Variants in KMT2A observed in about 807,000 individuals in gnomAD.
KMT2A encodes histone-lysine N-methyltransferase 2A.
In KMT2A, 16 loss-of-function variants were observed where a neutral mutation model predicts 345.3. That is an observed-to-expected ratio of 0.05 (90% confidence interval 0.03 to 0.07). The LOEUF is 0.07. Ranked by LOEUF, KMT2A falls within the 10% of genes least tolerant of loss-of-function variation. The probability of loss-of-function intolerance (pLI) is 1.00; values close to 1 mark genes in which losing one functional copy is unlikely to be tolerated. For synonymous variants in KMT2A, 1,599 were observed against 1,778.6 expected (o/e 0.90, Z 2.54); for missense variants, 3,272 against 4,841.6 (o/e 0.68, Z 9.62).
At chr11:118,453,019 TATCTC>T (rs1386304692) in intron 1 of KMT2A, among the ~76,000 whole-genome samples, 1 of 152,124 alleles carries the variant, frequency 6.6e-6, no homozygotes, top group Non-Finnish European at 1.5e-5. Context: ...TACCTGCAGT[TATCTC>T]ATCTCTCCTG....
intron 5 of KMT2A, among the ~76,000 whole-genome samples, chr11:118,479,862 G>C (rs1555038714): frequency 1.3e-5 from 2 of 152,202 alleles, no homozygotes; most frequent in African/African-American, 4.8e-5. Flanking sequence ...GAGTAGGACT[G>C]ATGCGACTAC....
At chr11:118,488,422 C>A in intron 10 of KMT2A, 192 bp from the exon 11 acceptor site, 1 of 660,144 alleles carries the variant, frequency 1.5e-6, no homozygotes, top group Non-Finnish European at 2.7e-6. Context: ...GGTATTACCA[C>A]TTTAGTACTC....
chr11:118,520,151 C>A lies in KMT2A; in HGVS notation c.11429+87C>A. 1.2e-6 allele frequency: 1 copy of A among 863,570 alleles called. No homozygotes were observed. The allele number at this position is 863,570 out of a possible 1,614,324, so 53.5% of individuals were successfully genotyped here. ...GCACTACGTAGGAATTTGTTTGCAT[C>A]AGAATTTCCTGGATAAGATTTAAAA... is the stretch of plus-strand genomic sequence containing the variant. On this transcript the variant is annotated intron_variant, in intron 33 of 35. Coordinates refer to ENST00000534358, the MANE Select transcript of KMT2A (RefSeq NM_001197104.2). This position sits in a 1 kb window ranked among gnomAD's most constrained non-coding sequence, Gnocchi z 4.3.
rs1555048114 is a variant in KMT2A at position 118,505,971 on chromosome 11, C to T, written c.10079C>T (p.Ser3360Leu). 4 of 1,614,152 alleles carry T rather than the reference C, an allele frequency of 2.5e-6. No homozygotes were observed. Among genetic ancestry groups the T allele is most frequent in the South Asian group, 1.1e-5 (1 of 91,078 alleles). ...QTTTTPTSSA[S>L]VPGHVTLTNP... The stretch of plus-strand genomic sequence containing the variant: ...ACCACAACCCCTACAAGTAGTGCGT[C>T]AGTTCCAGGACACGTCACCTTAACC... The change falls in exon 27 of 36, where the codon TCA becomes TTA. Residue 3360 changes from serine (S) to leucine (L), a missense_variant. Transcript: ENST00000534358. This position sits in a 1 kb window ranked among gnomAD's most constrained non-coding sequence, Gnocchi z 4.6.
chr11:118,503,301 A>G lies in KMT2A; in HGVS notation c.7409A>G (p.Glu2470Gly), dbSNP rs782797135. ...EGNLKPEFMD[E>G]VLTPEYMGQR... ...AACTTGAAGCCAGAGTTTATGGATG[A>G]GGTTTTGACTCCTGAGTATATGGGC... The change falls in exon 27 of 36, where the codon GAG becomes GGG. Residue 2470 changes from glutamate to glycine, a missense_variant. Around this residue, in one of 27 missense-constraint regions of KMT2A, gnomAD observed 445 missense variants for 500.9 expected, o/e 0.89. Coordinates refer to ENST00000534358, the MANE Select transcript of KMT2A (RefSeq NM_001197104.2). This position sits in a 1 kb window ranked among gnomAD's most constrained non-coding sequence, Gnocchi z 5.3. The G allele has an allele frequency of 1.2e-6, 2 of 1,614,120 alleles. No homozygotes were observed. The highest frequency in any genetic ancestry group is 1.1e-5 in the South Asian group (1 of 91,068).
At chr11:118,445,162 G>A (rs1481118582) in intron 1 of KMT2A, among the ~76,000 whole-genome samples, 3 of 152,020 alleles carry the variant, frequency 2.0e-5, no homozygotes, top group African/African-American at 7.3e-5. Context: ...GAATGTTCTT[G>A]ATATTAGTCT....
Position 118,484,143 on chromosome 11 carries a change from G to A in KMT2A, c.4087-40G>A, listed in dbSNP as rs782090480. 3 of 1,601,650 alleles carry A rather than the reference G, an allele frequency of 1.9e-6. No homozygotes were observed. The highest frequency in any genetic ancestry group is 2.7e-5 in the African/African-American group (2 of 74,494). On this transcript the variant is annotated intron_variant, in intron 8 of 35. Transcript: ENST00000534358. The surrounding 1 kb of genome is among the most constrained non-coding windows in gnomAD (Gnocchi z 4.1). ...TCTGTTGCAAATGTGAAGGCAAATA[G>A]GGTGTGATTTTGTTCTATATTCATC... is the stretch of plus-strand genomic sequence containing the variant.
chr11:118,468,893 G>A (rs782015188), intron 2 of KMT2A, 49 bp downstream of exon 2: 5 of 1,466,872 alleles, frequency 3.4e-6, no homozygotes, highest in Middle Eastern at 1.7e-4. Flanking sequence ...TTTGTTAGGA[G>A]ATTGTGGCTT....
At chr11:118,459,165 G>A (rs1370262012) in intron 1 of KMT2A, among the ~76,000 whole-genome samples, 4 of 152,030 alleles carry the variant, frequency 2.6e-5, no homozygotes, top group Non-Finnish European at 5.9e-5. Flanking sequence ...TGCCTCCTGG[G>A]TTCAAGTGAT....
chr11:118,516,645 T>C (rs1199660672), intron 31 of KMT2A, among the ~76,000 whole-genome samples: 1 of 152,190 alleles, frequency 6.6e-6, no homozygotes, highest in Admixed American at 6.5e-5. Flanking sequence ...CCTAAGGTCC[T>C]GTCTGGCACA....
rs1555036383 is a variant in KMT2A, at chr11:118,473,337, ATCT to A, written c.2184_2186del (p.Ser729del). 14 of 1,613,990 alleles carry A rather than the reference ATCT, an allele frequency of 8.7e-6. No individual in the cohort carries two copies. Among genetic ancestry groups the A allele is most frequent in the Non-Finnish European group, 1.0e-5 (12 of 1,179,982 alleles). On this transcript the variant is annotated inframe_deletion, in exon 3 of 36. Coordinates refer to ENST00000534358, the MANE Select transcript of KMT2A (RefSeq NM_001197104.2). This position sits in a 1 kb window ranked among gnomAD's most constrained non-coding sequence, Gnocchi z 5.2. ...CTAGTAATCGAACTTCTGCTGGAAC[ATCT>A]TCTTCAGGAGTATCCAATAGAAAAA...
chr11:118,476,975 G>C lies in KMT2A; in HGVS notation c.3327G>C (p.Gly1109=). 3 of 1,614,124 alleles carry C rather than the reference G, an allele frequency of 1.9e-6. No homozygotes were observed. The highest frequency in any genetic ancestry group is 2.5e-6 in the Non-Finnish European group (3 of 1,180,008). ...GAGAAAAGATTTTGTCTTCCATGGG[G>C]AATGATGGTAGGTCAAGAAGGTCAA... ...EEREKILSSM[G]NDDKSSIAGS... Residue 1109 remains glycine, a synonymous_variant, in exon 4 of 36, where the codon GGG becomes GGC. Coordinates refer to ENST00000534358, the MANE Select transcript of KMT2A (RefSeq NM_001197104.2). The surrounding 1 kb of genome is among the most constrained non-coding windows in gnomAD (Gnocchi z 4.1).
chr11:118,437,404 A>G (rs1949212530), intron 1 of KMT2A, among the ~76,000 whole-genome samples: 1 of 151,820 alleles, frequency 6.6e-6, no homozygotes, highest in Non-Finnish European at 1.5e-5. Flanking sequence ...GGCCTCATCC[A>G]GGGCCACGTT....
chr11:118,474,289 A>G lies in KMT2A; in HGVS notation c.3130A>G (p.Lys1044Glu), dbSNP rs1464337145. ...CAAGATTGAGAAGAGTAAGAGTCTTAAACAAACCGACCAGCCCAAAGCACA... is the reference window on the plus strand; with the variant it reads ...CAAGATTGAGAAGAGTAAGAGTCTTGAACAAACCGACCAGCCCAAAGCACA... ...LCKIEKSKSL[K>E]QTDQPKAQGQ... The change falls in exon 3 of 36, where the codon AAA becomes GAA. Residue 1044 changes from lysine to glutamate, a missense_variant. Physicochemically the swap from Lys to Glu is moderately conservative, Grantham distance 56 (BLOSUM62 1). Coordinates refer to ENST00000534358, the MANE Select transcript of KMT2A (RefSeq NM_001197104.2). The G allele has an allele frequency of 6.2e-7, 1 of 1,613,970 alleles. No individual in the cohort carries two copies. The highest frequency in any genetic ancestry group is 1.3e-5 in the African/African-American group (1 of 74,936).
At position 118,471,849 on chromosome 11, in the gene KMT2A, A is replaced by C. The variant is rs1949947561; in HGVS notation, c.690A>C (p.Gly230=). The C allele has an allele frequency of 6.2e-7, 1 of 1,612,134 alleles. No individual in the cohort carries two copies. Among genetic ancestry groups the C allele is most frequent in the Non-Finnish European group, 8.5e-7 (1 of 1,179,490 alleles). Residue 230 remains glycine, a synonymous_variant, in exon 3 of 36, where the codon GGA becomes GGC. Coordinates refer to ENST00000534358, the MANE Select transcript of KMT2A (RefSeq NM_001197104.2). ...KKRGRPPTFP[G]VKIKITHGKD... Reference sequence around the variant, plus strand: ...GAGGAAGACCTCCCACCTTCCCTGGAGTAAAAATCAAAATAACACATGGAA... The same window carrying C: ...GAGGAAGACCTCCCACCTTCCCTGGCGTAAAAATCAAAATAACACATGGAA...
At chr11:118,440,898 A>G (rs1555139963) in intron 1 of KMT2A, among the ~76,000 whole-genome samples, 1 of 151,816 alleles carries the variant, frequency 6.6e-6, no homozygotes, top group Admixed American at 6.6e-5. Context: ...GAAGGAGGGA[A>G]CACAAGCAGA....
chr11:118,483,096 G>C (rs1283253612), intron 8 of KMT2A, among the ~76,000 whole-genome samples: 1 of 151,852 alleles, frequency 6.6e-6, no homozygotes, highest in Admixed American at 6.6e-5. Context: ...AGCCGGTTGT[G>C]GTAGTGGGTG....
At chr11:118,478,930 A>C (rs1354956745) in intron 5 of KMT2A, among the ~76,000 whole-genome samples, 2 of 152,010 alleles carry the variant, frequency 1.3e-5, no homozygotes, top group Non-Finnish European at 2.9e-5. Context: ...CCTCATATGA[A>C]ATTTCTTTTT....
At chr11:118,437,399 C>T (rs1350896512) in intron 1 of KMT2A, among the ~76,000 whole-genome samples, 1 of 152,068 alleles carries the variant, frequency 6.6e-6, no homozygotes, top group African/African-American at 2.4e-5. Flanking sequence ...GTGATGGCCT[C>T]ATCCAGGGCC....
Sources: allele counts gnomAD v4.1 joint callset (sites outside exome capture counted in the v4.1 genomes callset), GRCh38; gene constraint gnomAD v4.1.1; regional missense constraint gnomAD v4.1.1; non-coding constraint Gnocchi (gnomAD v3.1); transcripts MANE v1.5; gene names NCBI Gene and HGNC (gene_info 2026-07-23, HGNC 2026-07-21).